Variants in OVCH1 observed in about 807,000 individuals in gnomAD.
The protein encoded by OVCH1 is ovochymase-1.
Under a neutral mutation model 138.4 loss-of-function variants are expected in OVCH1, and 139 were observed. The observed-to-expected ratio is 1.00, with a 90% CI of 0.87 to 1.16. The LOEUF (loss-of-function observed/expected upper bound fraction) is 1.16, where lower values mean the gene tolerates loss of function less well. Ranked by LOEUF, OVCH1 falls within the 50% of genes most tolerant of loss-of-function variation. OVCH1 has a pLI of 0.00. For synonymous variants in OVCH1, 453 were observed against 467.8 expected (o/e 0.97, Z 0.41); for missense variants, 1,367 against 1,357.9 (o/e 1.01, Z -0.11).
downstream of OVCH1, among the ~76,000 whole-genome samples, chr12:29,408,863 G>C (rs1421730521): frequency 2.0e-5 from 3 of 152,044 alleles, no homozygotes; most frequent in South Asian, 2.1e-4. Flanking sequence ...CTATTGATTG[G>C]AATAGTTTCA....
chr12:29,492,407 T>G (rs940135472), intron 4 of OVCH1, among the ~76,000 whole-genome samples: 1 of 152,114 alleles, frequency 6.6e-6, no homozygotes, highest in African/African-American at 2.4e-5. Flanking sequence ...GACATTGATT[T>G]TCATCTAAAT....
intron 3 of OVCH1, among the ~76,000 whole-genome samples, chr12:29,422,113 A>T (rs1386101494): frequency 6.6e-6 from 1 of 152,220 alleles, no homozygotes; most frequent in Non-Finnish European, 1.5e-5. Context: ...TTTAATCCAC[A>T]TTATATGCTC....
At chr12:29,453,042 A>G (rs144020564) in intron 21 of OVCH1, among the ~76,000 whole-genome samples, 244 of 152,294 alleles carry the variant, frequency 1.6e-3, no homozygotes, top group African/African-American at 5.6e-3. Context: ...ATTAGATGGC[A>G]CTGTCACCAC....
chr12:29,440,583 A>T (rs1158259741), intron 25 of OVCH1: 1 of 336,424 alleles, frequency 3.0e-6, no homozygotes, highest in African/African-American at 2.2e-5. Flanking sequence ...TCTCAAAACA[A>T]CCTCATGAGG....
At chr12:29,465,554 C>A (rs570422400) in intron 16 of OVCH1, among the ~76,000 whole-genome samples, 2 of 152,206 alleles carry the variant, frequency 1.3e-5, no homozygotes, top group Admixed American at 1.3e-4. Context: ...AACCACCCTA[C>A]CATCATCTGG....
chr12:29,434,818 G>GA (rs1941330030), intron 26 of OVCH1, among the ~76,000 whole-genome samples: 1 of 152,058 alleles, frequency 6.6e-6, no homozygotes. Context: ...ATAAAAATGG[G>GA]AAAAATAACT....
At chr12:29,476,804 CACAG>C (rs58179591) in intron 12 of OVCH1, among the ~76,000 whole-genome samples, 11,326 of 50,586 alleles carry the variant, frequency 0.22, 594 homozygotes, top group Non-Finnish European at 0.27. Flanking sequence ...CACACACACA[CACAG>C]GTTAGTAAAT....
At chr12:29,484,077 G>A (rs894492298) in intron 8 of OVCH1, among the ~76,000 whole-genome samples, 3 of 152,120 alleles carry the variant, frequency 2.0e-5, no homozygotes, top group Admixed American at 6.5e-5. Flanking sequence ...GTCTCAGTAC[G>A]ATTTTAAAAA....
chr12:29,426,198 GCTA>G (rs1474365279), downstream of OVCH1: 3 of 151,994 alleles, frequency 2.0e-5, no homozygotes, highest in Non-Finnish European at 4.4e-5. Flanking sequence ...ATATTTCTTT[GCTA>G]CAATTATTTA....
exon 13 of OVCH1, chr12:29,476,281 C>T: frequency 6.2e-7 from 1 of 1,612,780 alleles, no homozygotes; most frequent in African/African-American, 1.3e-5. Context: ...AATTTGACAG[C>T]AAAGTCCTCA....
chr12:29,451,109 T>C (rs1941779677), intron 22 of OVCH1, among the ~76,000 whole-genome samples: 1 of 152,038 alleles, frequency 6.6e-6, no homozygotes, highest in African/African-American at 2.4e-5. Flanking sequence ...GGCACGTGTA[T>C]ACCTTTGTAA....
At chr12:29,448,151 G>A (rs1199080066) in intron 22 of OVCH1, among the ~76,000 whole-genome samples, 1 of 146,652 alleles carries the variant, frequency 6.8e-6, no homozygotes, top group East Asian at 2.0e-4. Flanking sequence ...ATTATCATAA[G>A]GAGCAGGCAT....
downstream of OVCH1, among the ~76,000 whole-genome samples, chr12:29,423,977 T>C (rs1292644504): frequency 6.6e-6 from 1 of 152,046 alleles, no homozygotes; most frequent in African/African-American, 2.4e-5. Context: ...CGAGACCAGC[T>C]CGGTCGGGGA....
Position 29,496,555 on chromosome 12 carries a change from C to A in OVCH1, c.183+1G>T, listed in dbSNP as rs1943423429. On this transcript the variant is annotated splice_donor_variant, in intron 2 of 27. Coordinates refer to ENST00000318184, the Ensembl canonical transcript of OVCH1. LOFTEE classifies it high-confidence loss of function. ...GAAATCAATGCCTTTGTTGCACTGA[C>A]CTGCCATGGATGTCCAGTCACTGTT... The A allele has an allele frequency of 1.3e-6, 2 of 1,590,496 alleles. No individual in the cohort carries two copies. Among genetic ancestry groups the A allele is most frequent in the African/African-American group, 1.3e-5 (1 of 74,454 alleles).
intron 22 of OVCH1, among the ~76,000 whole-genome samples, chr12:29,446,386 G>T (rs976956804): frequency 6.6e-6 from 1 of 152,078 alleles, no homozygotes; most frequent in Non-Finnish European, 1.5e-5. Context: ...GTAGCAAATA[G>T]AAGTGAATGT....
At chr12:29,403,712 A>G in the OVCH1 span, among the ~76,000 whole-genome samples, 1 of 152,170 alleles carries the variant, frequency 6.6e-6, no homozygotes, top group Non-Finnish European at 1.5e-5. Flanking sequence ...ATAATCTCTT[A>G]AATGTCCACT....
At chr12:29,406,391 T>C in the OVCH1 span, among the ~76,000 whole-genome samples, 1 of 152,116 alleles carries the variant, frequency 6.6e-6, no homozygotes, top group African/African-American at 2.4e-5. Flanking sequence ...ACATGTGCCA[T>C]GCTGCTGCGC....
At chr12:29,419,589 T>C (rs903230398) in intron 3 of OVCH1, among the ~76,000 whole-genome samples, 8 of 152,042 alleles carry the variant, frequency 5.3e-5, no homozygotes, top group Non-Finnish European at 8.8e-5. Context: ...CCACTGCGCC[T>C]GGCCAACGAA....
chr12:29,440,860 C>G, intron 25 of OVCH1, 116 bp from the exon 26 acceptor site: 1 of 428,162 alleles, frequency 2.3e-6, no homozygotes, highest in East Asian at 7.1e-5. Context: ...CTGAGAGGAC[C>G]CTACCTGCAT....
Sources: allele counts gnomAD v4.1 joint callset (sites outside exome capture counted in the v4.1 genomes callset), GRCh38; gene constraint gnomAD v4.1.1; transcripts MANE v1.5; gene names NCBI Gene and HGNC (gene_info 2026-07-23, HGNC 2026-07-21).